The following CLNK variants were observed in gnomAD, a reference collection of about 807,000 sequenced individuals.
CLNK encodes the protein cytokine-dependent hematopoietic cell linker.
A neutral mutation model predicts 68.6 loss-of-function variants in CLNK; 74 were observed. The ratio of observed to expected loss-of-function variants is 1.08; its 90% CI spans 0.89 to 1.31. CLNK has a LOEUF of 1.31. Ranked by LOEUF, CLNK falls within the 50% of genes most tolerant of loss-of-function variation. The pLI is 0.00. For missense variants in CLNK, 553 were observed against 515.3 expected, an observed-to-expected ratio of 1.07 and a Z score of -0.71; for synonymous variants, 198 against 172.2, an observed-to-expected ratio of 1.15 and a Z score of -1.17.
intron 3 of CLNK, among the ~76,000 whole-genome samples, chr4:10,592,306 A>T (rs563925280): frequency 6.6e-6 from 1 of 151,524 alleles, no homozygotes; most frequent in African/African-American, 2.4e-5. Flanking sequence ...ATATTAAAAA[A>T]CAAAAACAAA....
At position 10,644,507 on chromosome 4, in the gene CLNK, T is replaced by C. The variant is rs565221262; in HGVS notation, c.11+23352A>G. Among the ~76,000 whole-genome samples, 31 of 152,196 alleles carry C rather than the reference T, an allele frequency of 2.0e-4. 1 individual carries two copies. The South Asian group carries it at 3.9e-3, about 19-fold the overall frequency. On this transcript the variant is annotated intron_variant, in intron 2 of 18. Coordinates refer to ENST00000226951, the MANE Select transcript of CLNK (RefSeq NM_052964.4). ...CGCATGTAAATTCTTTCCCAGCTAG[T>C]AGAAGGCAGAGCCTAGGTTTGAGCT... is the stretch of plus-strand genomic sequence containing the variant.
chr4:10,699,513 T>TATATATATA, the CLNK span, among the ~76,000 whole-genome samples: 40 of 62,046 alleles, frequency 6.4e-4, 3 homozygotes, highest in African/African-American at 3.3e-3. Context: ...TATATATATA[T>TATATATATA]TTTTTTTTTT....
intron 2 of CLNK, among the ~76,000 whole-genome samples, 193 bp from the exon 3 acceptor site, chr4:10,598,242 A>G (rs1234829568): frequency 6.6e-6 from 1 of 152,208 alleles, no homozygotes; most frequent in East Asian, 1.9e-4. Flanking sequence ...TCCAATTCTT[A>G]ATTTTTTAAA....
the CLNK span, among the ~76,000 whole-genome samples, chr4:10,723,672 C>T: frequency 2.0e-5 from 3 of 152,206 alleles, no homozygotes; most frequent in South Asian, 2.1e-4. Flanking sequence ...GACCCTTGTG[C>T]GGTAATAACA....
upstream of CLNK, among the ~76,000 whole-genome samples, chr4:10,686,177 G>A (rs1725263756): frequency 6.6e-6 from 1 of 152,034 alleles, no homozygotes; most frequent in Non-Finnish European, 1.5e-5. Flanking sequence ...CCTTGTTTTT[G>A]TGTTTACATG....
At chr4:10,724,308 C>T in the CLNK span, among the ~76,000 whole-genome samples, 32 of 152,142 alleles carry the variant, frequency 2.1e-4, no homozygotes, top group African/African-American at 7.7e-4. Context: ...AGTTGTTGCT[C>T]ACATGTCCCG....
At chr4:10,522,446 T>C (rs1718118146) in intron 14 of CLNK, among the ~76,000 whole-genome samples, 1 of 148,026 alleles carries the variant, frequency 6.8e-6, no homozygotes, top group African/African-American at 2.5e-5. Flanking sequence ...TGGTGGCATC[T>C]GCCTGTAGTC....
chr4:10,590,222 T>C (rs187449942), intron 3 of CLNK, among the ~76,000 whole-genome samples: 103 of 152,376 alleles, frequency 6.8e-4, no homozygotes, highest in Non-Finnish European at 1.2e-3. Flanking sequence ...TGTAATACTT[T>C]TGAATAATTT....
intron 2 of CLNK, among the ~76,000 whole-genome samples, chr4:10,633,213 C>T (rs548914114): frequency 2.3e-4 from 35 of 152,316 alleles, no homozygotes; most frequent in Admixed American, 5.9e-4. Context: ...GCTGGGATTA[C>T]GGCATCAGCC....
At chr4:10,613,701 C>T (rs1301702285) in intron 2 of CLNK, among the ~76,000 whole-genome samples, 1 of 152,164 alleles carries the variant, frequency 6.6e-6, no homozygotes, top group African/African-American at 2.4e-5. Flanking sequence ...ACAACCCCAG[C>T]AGGAGATGGA....
intron 11 of CLNK, among the ~76,000 whole-genome samples, chr4:10,535,349 C>T (rs529562123): frequency 5.3e-5 from 8 of 151,934 alleles, no homozygotes; most frequent in Non-Finnish European, 7.4e-5. Context: ...TTGGCTGAAC[C>T]CTGCACCTTT....
intron 1 of CLNK, among the ~76,000 whole-genome samples, chr4:10,680,933 CAGAT>C (rs2108903422): frequency 6.6e-6 from 1 of 152,108 alleles, no homozygotes; most frequent in Admixed American, 6.6e-5. Flanking sequence ...AGAGTCCAGA[CAGAT>C]AAAGCTGATC....
intron 16 of CLNK, among the ~76,000 whole-genome samples, chr4:10,512,136 C>T (rs1717614233): frequency 6.6e-6 from 1 of 152,032 alleles, no homozygotes; most frequent in African/African-American, 2.4e-5. Context: ...TTGTGTGGAC[C>T]TCTAGTTAGA....
the CLNK span, among the ~76,000 whole-genome samples, chr4:10,721,484 G>A: frequency 6.6e-6 from 1 of 152,168 alleles, no homozygotes; most frequent in African/African-American, 2.4e-5. Context: ...TCTGAGTCAT[G>A]TTGTAGTGGA....
chr4:10,706,233 C>G, the CLNK span, among the ~76,000 whole-genome samples: 1,051 of 152,324 alleles, frequency 6.9e-3, 4 homozygotes, highest in Non-Finnish European at 0.01. Flanking sequence ...GGCAAGTCAC[C>G]TCCTTTGTTC....
At chr4:10,649,645 C>T (rs1723649880) in intron 2 of CLNK, among the ~76,000 whole-genome samples, 1 of 152,138 alleles carries the variant, frequency 6.6e-6, no homozygotes, top group South Asian at 2.1e-4. Context: ...TACTCTCAAA[C>T]ATTGATACTT....
the CLNK span, among the ~76,000 whole-genome samples, chr4:10,696,169 C>T: frequency 6.6e-6 from 1 of 152,072 alleles, no homozygotes; most frequent in African/African-American, 2.4e-5. Flanking sequence ...AGCTTCTTAT[C>T]TAAGTAGATG....
At chr4:10,510,204 A>G (rs1041409795) in intron 16 of CLNK, among the ~76,000 whole-genome samples, 1 of 152,148 alleles carries the variant, frequency 6.6e-6, no homozygotes, top group Non-Finnish European at 1.5e-5. Context: ...CAGAAACTGA[A>G]CTACGTATCT....
chr4:10,506,179 C>T (rs371735223), intron 17 of CLNK, among the ~76,000 whole-genome samples: 131 of 152,250 alleles, frequency 8.6e-4, no homozygotes, highest in African/African-American at 2.8e-3. Flanking sequence ...GTCATTTGAC[C>T]TGATGACAAG....
Sources: allele counts gnomAD v4.1 joint callset (sites outside exome capture counted in the v4.1 genomes callset), GRCh38; gene constraint gnomAD v4.1.1; transcripts MANE v1.5; gene names NCBI Gene and HGNC (gene_info 2026-07-23, HGNC 2026-07-21).